TACC2: variants seen among roughly 807,000 people sequenced by gnomAD.
TACC2 encodes transforming acidic coiled-coil containing protein 2, also known as transforming acidic coiled-coil-containing protein 2.
TACC2 carries 137 observed loss-of-function variants against 227.3 expected under a neutral mutation model. The observed-to-expected ratio is 0.60, with a 90% confidence interval of 0.52 to 0.69. TACC2 has a LOEUF of 0.69. Ranked by LOEUF, TACC2 falls within the 30% of genes least tolerant of loss-of-function variation. The probability of loss-of-function intolerance (pLI) is 0.00; values close to 1 mark genes in which losing one functional copy is unlikely to be tolerated. For missense variants in TACC2, 3,470 were observed against 3,694.4 expected (o/e 0.94, Z 1.57); for synonymous variants, 1,523 against 1,487.5 (o/e 1.02, Z -0.55).
intron 8 of TACC2, among the ~76,000 whole-genome samples, chr10:122,203,726 C>T (rs372895260): frequency 0.078 from 11,737 of 150,800 alleles, 1,087 homozygotes; most frequent in East Asian, 0.23. Context: ...GGCGGCCAGG[C>T]AGAGACGCTC....
Position 122,084,501 on chromosome 10 carries a change from C to A in TACC2, c.2001C>A (p.Asp667Glu). ...SGLPHKLGEE[D>E]PVLPPVPDGA... The stretch of plus-strand genomic sequence containing the variant: ...TACCACACAAGCTGGGTGAGGAGGA[C>A]CCCGTCCTGCCCCCTGTGCCAGATG... The change falls in exon 4 of 23, where the codon GAC becomes GAA. Residue 667 changes from aspartate to glutamate, a missense_variant. Physicochemically the swap from Asp to Glu is conservative, Grantham distance 45. Transcript: ENST00000369005. 1 of 1,613,402 alleles carries A rather than the reference C, an allele frequency of 6.2e-7. No homozygotes were observed. Among genetic ancestry groups the A allele is most frequent in the Non-Finnish European group, 8.5e-7 (1 of 1,180,008 alleles).
At chr10:122,063,235 A>G (rs374852599) in intron 3 of TACC2, among the ~76,000 whole-genome samples, 2 of 152,270 alleles carry the variant, frequency 1.3e-5, no homozygotes, top group Admixed American at 1.3e-4. Flanking sequence ...TCTTACAGAC[A>G]GAGCCCTGTA....
At position 122,085,666 on chromosome 10, in the gene TACC2, G is replaced by T; in HGVS notation, c.3166G>T (p.Ala1056Ser). The T allele has an allele frequency of 1.2e-6, 2 of 1,613,614 alleles. No homozygotes were observed. Among genetic ancestry groups the T allele is most frequent in the South Asian group, 2.2e-5 (2 of 91,088 alleles). Residue 1056 changes from alanine (A) to serine (S), a missense_variant, in exon 4 of 23, where the codon GCA (alanine) becomes TCA (serine). Transcript: ENST00000369005. ...CQPDSVALLD[A>S]VPCLPALAPA... is the part of the protein sequence containing the mutation. ...GCCTGACTCAGTAGCTCTCCTGGATGCAGTTCCCTGCCTGCCAGCCCTGGC... is the reference window on the plus strand; with the variant it reads ...GCCTGACTCAGTAGCTCTCCTGGATTCAGTTCCCTGCCTGCCAGCCCTGGC...
intron 7 of TACC2, among the ~76,000 whole-genome samples, chr10:122,183,080 C>T (rs1191051911): frequency 6.6e-6 from 1 of 152,168 alleles, no homozygotes; most frequent in Non-Finnish European, 1.5e-5. Flanking sequence ...TGGCACGTGC[C>T]TGTAATCCCA....
At chr10:122,128,747 A>G (rs770944443) in intron 5 of TACC2, among the ~76,000 whole-genome samples, 4 of 152,252 alleles carry the variant, frequency 2.6e-5, no homozygotes, top group Non-Finnish European at 4.4e-5. Flanking sequence ...TCAGCATAGA[A>G]CTAGAAAGTA....
intron 19 of TACC2, chr10:122,247,060 C>G (rs1353147633): frequency 6.6e-6 from 1 of 152,584 alleles, no homozygotes; most frequent in East Asian, 1.9e-4. Flanking sequence ...GGGTAGAGGG[C>G]AGAGCATGTG....
At chr10:122,044,814 C>T (rs1055331677) in intron 2 of TACC2, among the ~76,000 whole-genome samples, 3 of 151,464 alleles carry the variant, frequency 2.0e-5, no homozygotes, top group Non-Finnish European at 2.9e-5. Context: ...CCAGAGCCAA[C>T]GAAAGACTGT....
intron 7 of TACC2, among the ~76,000 whole-genome samples, chr10:122,176,113 CTCTCTATATATATATA>C (rs1206993819): frequency 4.9e-4 from 27 of 54,826 alleles, no homozygotes; most frequent in African/African-American, 3.1e-3. Context: ...CTCTCTCTCT[CTCTCTATATATATATA>C]TATATATATA....
At chr10:122,012,409 A>T (rs1956048279) in intron 1 of TACC2, among the ~76,000 whole-genome samples, 1 of 111,162 alleles carries the variant, frequency 9.0e-6, no homozygotes, top group Non-Finnish European at 1.7e-5. Context: ...CCAGAGCAAG[A>T]CTCCGTCTCA....
chr10:122,200,302 C>T (rs1172821610), intron 8 of TACC2, among the ~76,000 whole-genome samples: 3 of 152,120 alleles, frequency 2.0e-5, no homozygotes, highest in African/African-American at 4.8e-5. Context: ...GCTGGAAGGA[C>T]GATGGAGAGT....
chr10:122,083,622 T>G lies in TACC2; in HGVS notation c.1122T>G (p.Gly374=), dbSNP rs980713186. 1.8e-5 allele frequency: 29 copies of G among 1,611,600 alleles called. No homozygotes were observed. The highest frequency in any genetic ancestry group is 2.4e-5 in the Non-Finnish European group (28 of 1,180,032). The change falls in exon 4 of 23, where the codon GGT becomes GGG. Residue 374 remains glycine, a synonymous_variant. Coordinates refer to ENST00000369005, the MANE Select transcript of TACC2 (RefSeq NM_206862.4). ...KEALDTIDVQ[G]HPQTGMRGTK... is the part of the protein sequence containing the mutation. ...CTCTGGACACCATTGATGTTCAGGG[T>G]CACCCACAGACAGGGATGCGAGGAA... is the stretch of plus-strand genomic sequence containing the variant.
chr10:122,062,010 G>T (rs2076873571), intron 3 of TACC2, among the ~76,000 whole-genome samples: 1 of 149,844 alleles, frequency 6.7e-6, no homozygotes, highest in Non-Finnish European at 1.5e-5. Context: ...TAAACTTTAG[G>T]ACATGTCAGA....
chr10:121,989,992 C>G (rs913770308), intron 1 of TACC2, among the ~76,000 whole-genome samples: 2 of 152,288 alleles, frequency 1.3e-5, no homozygotes, highest in South Asian at 4.1e-4. Flanking sequence ...GTCTGCATCT[C>G]CCGTCACTTA....
At chr10:121,989,944 C>T (rs11200310) in intron 1 of TACC2, among the ~76,000 whole-genome samples, 25,594 of 151,860 alleles carry the variant, frequency 0.17, 2,355 homozygotes, top group Admixed American at 0.24. Context: ...TTTATGTTAC[C>T]ACCTCGACAC....
chr10:122,204,797 C>T (rs2095047989), intron 8 of TACC2, among the ~76,000 whole-genome samples: 1 of 151,724 alleles, frequency 6.6e-6, no homozygotes, highest in Admixed American at 6.6e-5. Context: ...TGCACTGCAG[C>T]CTGGGTGACA....
intron 7 of TACC2, among the ~76,000 whole-genome samples, chr10:122,190,833 CAACTT>C (rs1322100630): frequency 6.6e-6 from 1 of 152,150 alleles, no homozygotes; most frequent in African/African-American, 2.4e-5. Flanking sequence ...TTCCTCCAAA[CAACTT>C]AATTGCTCTC....
chr10:122,046,764 T>G (rs888810815), intron 2 of TACC2, among the ~76,000 whole-genome samples: 1 of 152,182 alleles, frequency 6.6e-6, no homozygotes, highest in African/African-American at 2.4e-5. Context: ...GGCATGAGAT[T>G]TATCTGTTAA....
At chr10:122,093,098 T>TC (rs2081008207) in intron 5 of TACC2, among the ~76,000 whole-genome samples, 1 of 1,956 alleles carries the variant, frequency 5.1e-4, no homozygotes, top group African/African-American at 5.3e-4. Context: ...TGTCTCTCTC[T>TC]TTTTTTTTTT....
intron 6 of TACC2, among the ~76,000 whole-genome samples, chr10:122,142,793 T>TGGCTGGAGAGGCTGGGAG (rs2090810433): frequency 6.6e-6 from 1 of 152,228 alleles, no homozygotes; most frequent in Admixed American, 6.5e-5. Context: ...AGAGCAGGGA[T>TGGCTGGAGAGGCTGGGAG]GGCTGGAGAG....
Sources: allele counts gnomAD v4.1 joint callset (sites outside exome capture counted in the v4.1 genomes callset), GRCh38; gene constraint gnomAD v4.1.1; transcripts MANE v1.5; gene names NCBI Gene and HGNC (gene_info 2026-07-23, HGNC 2026-07-21).